ADCK1: variants seen among roughly 807,000 people sequenced by gnomAD.
ADCK1 encodes aarF domain-containing protein kinase 1.
ADCK1 carries 41 observed loss-of-function variants against 52.3 expected under a neutral mutation model. The observed-to-expected ratio is 0.78, with a 90% CI of 0.61 to 1.02. ADCK1 has a LOEUF of 1.02. ADCK1 is among the 50% of genes least tolerant of loss of function. ADCK1 has a pLI of 0.00. For missense variants in ADCK1, 658 were observed against 679.5 expected (o/e 0.97, Z 0.35); for synonymous variants, 250 against 274.6 (o/e 0.91, Z 0.89).
At position 77,887,257 on chromosome 14, in the gene ADCK1, C is replaced by T; in HGVS notation, c.582+8C>T. The T allele has an allele frequency of 6.4e-7, 1 of 1,553,198 alleles. No individual in the cohort carries two copies. Among genetic ancestry groups the T allele is most frequent in the Non-Finnish European group, 8.7e-7 (1 of 1,149,448 alleles). On this transcript the variant is annotated splice_region_variant and intron_variant, in intron 5 of 10. Coordinates refer to ENST00000238561, the MANE Select transcript of ADCK1 (RefSeq NM_020421.4). The stretch of plus-strand genomic sequence containing the variant: ...GACATTCTCCTGATGGAGGTGAGAG[C>T]CCTCCCTTTCTCCTTCCTGTGTCCT...
At chr14:77,892,825 G>A (rs1419691515) in intron 5 of ADCK1, among the ~76,000 whole-genome samples, 2 of 152,152 alleles carry the variant, frequency 1.3e-5, no homozygotes, top group African/African-American at 2.4e-5. Context: ...ACTTGGGGTT[G>A]TGTTAGCCAG....
At chr14:77,812,268 T>A (rs1819020678) in intron 1 of ADCK1, among the ~76,000 whole-genome samples, 1 of 152,214 alleles carries the variant, frequency 6.6e-6, no homozygotes, top group Admixed American at 6.5e-5. Context: ...TTGTACCCTT[T>A]GACCAATATC....
chr14:77,909,252 C>G (rs1303541383), intron 7 of ADCK1, among the ~76,000 whole-genome samples: 1 of 151,300 alleles, frequency 6.6e-6, no homozygotes, highest in Non-Finnish European at 1.5e-5. Flanking sequence ...TCTCCTGCCT[C>G]AGCCTCCCAA....
At chr14:77,912,272 C>A (rs1489955595) in intron 7 of ADCK1, among the ~76,000 whole-genome samples, 3 of 152,110 alleles carry the variant, frequency 2.0e-5, no homozygotes, top group Non-Finnish European at 4.4e-5. Context: ...CCGCAGAAAC[C>A]CCCACAGTGG....
Position 77,909,017 on chromosome 14 carries a change from G to A in ADCK1, c.858+1098G>A, listed in dbSNP as rs1458244235. ...GGGAGATAAAGTAATGGTCTTGGGT[G>A]TGACCTTGAGGCACTGTGGAGTCAC... On this transcript the variant is annotated intron_variant, in intron 7 of 10. Transcript: ENST00000238561. 3.3e-5 allele frequency among the ~76,000 whole-genome samples: 5 copies of A among 152,136 alleles called. No homozygotes were observed. In the East Asian group the frequency reaches 7.7e-4, roughly 24 times the overall value.
chr14:77,885,602 G>C (rs1160698569), intron 4 of ADCK1, among the ~76,000 whole-genome samples: 1 of 152,180 alleles, frequency 6.6e-6, no homozygotes, highest in Non-Finnish European at 1.5e-5. Context: ...TGGGTCATGT[G>C]ACATCTGAAG....
chr14:77,806,123 C>T (rs1478659836), intron 1 of ADCK1, among the ~76,000 whole-genome samples: 2 of 150,612 alleles, frequency 1.3e-5, no homozygotes, highest in Non-Finnish European at 3.0e-5. Flanking sequence ...GATGAGGTCT[C>T]TCTATGTTGC....
chr14:77,866,131 C>T (rs984271116), intron 4 of ADCK1, among the ~76,000 whole-genome samples: 1 of 152,146 alleles, frequency 6.6e-6, no homozygotes, highest in African/African-American at 2.4e-5. Flanking sequence ...GATGGGACAG[C>T]CTACAATATA....
intron 1 of ADCK1, among the ~76,000 whole-genome samples, chr14:77,814,885 T>C (rs984559984): frequency 6.7e-6 from 1 of 148,900 alleles, no homozygotes; most frequent in Non-Finnish European, 1.5e-5. Context: ...ACTAAAAAAA[T>C]TAAAAAAAAA....
rs528652241 is a variant in ADCK1, at chr14:77,836,555, A to G, written c.219+14037A>G. ...GTGATTGCCATAACAAATTACCACA[A>G]ATTGGGTGGTTTAAGGCAATAGAAG... On this transcript the variant is annotated intron_variant, in intron 3 of 10. Transcript: ENST00000238561. Among the ~76,000 whole-genome samples, 3 of 152,236 alleles carry G rather than the reference A, an allele frequency of 2.0e-5. No individual in the cohort carries two copies. The South Asian group carries it at 6.2e-4, about 32-fold the overall frequency.
intron 5 of ADCK1, among the ~76,000 whole-genome samples, chr14:77,894,037 C>G (rs2083342754): frequency 1.3e-5 from 2 of 152,152 alleles, no homozygotes; most frequent in South Asian, 2.1e-4. Flanking sequence ...CCAGCCTCAT[C>G]TTGTTTCTTT....
chr14:77,925,948 T>C lies in ADCK1; in HGVS notation c.1193T>C (p.Val398Ala). The C allele has an allele frequency of 6.2e-7, 1 of 1,614,076 alleles. No individual in the cohort carries two copies. The highest frequency in any genetic ancestry group is 8.5e-7 in the Non-Finnish European group (1 of 1,180,034). Residue 398 changes from valine to alanine, a missense_variant, in exon 9 of 11, where the codon GTC becomes GCC. Coordinates refer to ENST00000238561, the MANE Select transcript of ADCK1 (RefSeq NM_020421.4). Reference protein sequence around the residue: ...SVNRGISQAPVTATEDLEIRN... With the variant: ...SVNRGISQAPATATEDLEIRN... The stretch of plus-strand genomic sequence containing the variant: ...AACAGAGGCATCAGCCAAGCTCCCG[T>C]CACTGCCACTGAGGTAGGGGGCCCC...
chr14:77,823,642 G>A (rs117638929), intron 3 of ADCK1, among the ~76,000 whole-genome samples: 2,940 of 151,088 alleles, frequency 0.019, 45 homozygotes, highest in Middle Eastern at 0.034. Context: ...GTGTGATCTC[G>A]GCTCATTGCA....
intron 5 of ADCK1, among the ~76,000 whole-genome samples, chr14:77,893,761 T>C (rs1289338819): frequency 6.7e-6 from 1 of 150,014 alleles, no homozygotes; most frequent in Non-Finnish European, 1.5e-5. Flanking sequence ...TTTGACAGAG[T>C]CTCACTCTGT....
chr14:77,878,653 C>T (rs1166135809), intron 4 of ADCK1, among the ~76,000 whole-genome samples: 1 of 152,216 alleles, frequency 6.6e-6, no homozygotes, highest in Non-Finnish European at 1.5e-5. Context: ...ACCTGCCTGG[C>T]CTGGGCCCTG....
At chr14:77,835,013 G>T (rs762214700) in intron 3 of ADCK1, among the ~76,000 whole-genome samples, 1 of 152,126 alleles carries the variant, frequency 6.6e-6, no homozygotes, top group East Asian at 1.9e-4. Context: ...TTTCTGACCC[G>T]CCCTGGACTG....
chr14:77,897,045 G>T (rs1870699648), intron 5 of ADCK1, among the ~76,000 whole-genome samples: 2 of 152,184 alleles, frequency 1.3e-5, no homozygotes, highest in South Asian at 4.1e-4. Context: ...AGGGCAAAAA[G>T]AAGCATGAGA....
intron 3 of ADCK1, among the ~76,000 whole-genome samples, chr14:77,841,440 A>AG (rs2082063408): frequency 6.6e-6 from 1 of 152,112 alleles, no homozygotes; most frequent in Non-Finnish European, 1.5e-5. Context: ...TTGGATCTTT[A>AG]GGGGAAAAAA....
chr14:77,880,914 A>ATT (rs2083008187), intron 4 of ADCK1, among the ~76,000 whole-genome samples: 1 of 152,228 alleles, frequency 6.6e-6, no homozygotes, highest in Non-Finnish European at 1.5e-5. Flanking sequence ...GGCTTAGGCT[A>ATT]AGGAATAGCA....
Sources: gnomAD v4.1 joint callset for allele counts (sites outside exome capture counted in the v4.1 genomes callset) on GRCh38, gnomAD v4.1.1 for gene constraint, MANE v1.5 for transcripts, NCBI Gene and HGNC (gene_info 2026-07-23, HGNC 2026-07-21) for gene names.